GNAQ: variants seen among roughly 807,000 people sequenced by gnomAD.
The protein encoded by GNAQ is guanine nucleotide-binding protein G(q) subunit alpha.
A neutral mutation model predicts 43.9 loss-of-function variants in GNAQ; 8 were observed. That is an observed-to-expected ratio of 0.18 (90% confidence interval 0.11 to 0.33). GNAQ has a LOEUF of 0.33. Ranked by LOEUF, GNAQ falls within the 10% of genes least tolerant of loss-of-function variation. GNAQ has a pLI of 1.00. For missense variants in GNAQ, 158 were observed against 450.8 expected (o/e 0.35, Z 5.88); for synonymous variants, 155 against 170.7 (o/e 0.91, Z 0.71).
At chr9:77,846,797 A>G (rs1254880421) in intron 2 of GNAQ, among the ~76,000 whole-genome samples, 1 of 152,158 alleles carries the variant, frequency 6.6e-6, no homozygotes, top group Non-Finnish European at 1.5e-5. Context: ...TTAGCAAAGC[A>G]CTTCTACATA....
chr9:77,920,426 T>C (rs558748895), intron 2 of GNAQ, among the ~76,000 whole-genome samples: 95 of 152,162 alleles, frequency 6.2e-4, no homozygotes, highest in African/African-American at 2.2e-3. Context: ...AGCACACACA[T>C]GGTAAGTCAG....
intron 1 of GNAQ, among the ~76,000 whole-genome samples, chr9:77,938,290 A>G (rs1189850296): frequency 1.3e-5 from 2 of 152,180 alleles, no homozygotes; most frequent in Non-Finnish European, 2.9e-5. Context: ...TCAACTATAT[A>G]TATTTATATG....
intron 5 of GNAQ, among the ~76,000 whole-genome samples, chr9:77,761,820 C>T (rs1227663430): frequency 1.0e-4 from 7 of 66,868 alleles, no homozygotes; most frequent in Admixed American, 2.7e-4. Flanking sequence ...CCCCTCTGCC[C>T]GGCCAGCCGC....
At chr9:77,724,842 A>T (rs7863658) in intron 6 of GNAQ, among the ~76,000 whole-genome samples, 146 of 152,314 alleles carry the variant, frequency 9.6e-4, no homozygotes, top group African/African-American at 3.3e-3. Context: ...TAAAAAGTAC[A>T]ATTAAAAACA....
intron 1 of GNAQ, among the ~76,000 whole-genome samples, chr9:77,967,158 G>A (rs1455682673): frequency 6.6e-6 from 1 of 152,104 alleles, no homozygotes; most frequent in Non-Finnish European, 1.5e-5. Flanking sequence ...TGCATCTCAG[G>A]AAAAGGGTAT....
At chr9:77,967,710 T>C (rs1823185587) in intron 1 of GNAQ, among the ~76,000 whole-genome samples, 1 of 152,146 alleles carries the variant, frequency 6.6e-6, no homozygotes, top group Admixed American at 6.5e-5. Context: ...CTGGGCGCGG[T>C]GGCTCTCTCC....
At chr9:77,867,908 G>A (rs1207307850) in intron 2 of GNAQ, among the ~76,000 whole-genome samples, 4 of 152,176 alleles carry the variant, frequency 2.6e-5, no homozygotes, top group Non-Finnish European at 5.9e-5. Flanking sequence ...CCCTTTAGAA[G>A]AACTCAAATA....
chr9:77,848,998 A>G (rs1312778307), intron 2 of GNAQ, among the ~76,000 whole-genome samples: 2 of 152,222 alleles, frequency 1.3e-5, no homozygotes, highest in African/African-American at 2.4e-5. Flanking sequence ...TGTAGCAAGA[A>G]GAAAAATGTG....
intron 1 of GNAQ, among the ~76,000 whole-genome samples, chr9:78,016,518 T>C (rs979962171): frequency 6.6e-6 from 1 of 152,068 alleles, no homozygotes; most frequent in African/African-American, 2.4e-5. Context: ...GCCCTGTCTC[T>C]ACTAAAAATA....
At chr9:77,867,576 T>C (rs564544929) in intron 2 of GNAQ, among the ~76,000 whole-genome samples, 9 of 152,174 alleles carry the variant, frequency 5.9e-5, no homozygotes, top group Non-Finnish European at 1.2e-4. Context: ...TGAAACAAAC[T>C]CCAAAGTGTG....
chr9:77,815,524 TACAGG>T (rs752207382), intron 3 of GNAQ, 87 bp downstream of exon 3: 10 of 803,406 alleles, frequency 1.2e-5, no homozygotes, highest in Non-Finnish European at 1.8e-5. Flanking sequence ...ATATGACATA[TACAGG>T]ACAGAATAAA....
chr9:77,895,883 C>T (rs945370043), intron 2 of GNAQ, among the ~76,000 whole-genome samples: 1 of 152,080 alleles, frequency 6.6e-6, no homozygotes, highest in East Asian at 1.9e-4. Context: ...CTGCCATCCA[C>T]GTAAGATATG....
intron 1 of GNAQ, among the ~76,000 whole-genome samples, chr9:77,947,961 G>C (rs967879979): frequency 6.6e-6 from 1 of 152,182 alleles, no homozygotes; most frequent in Non-Finnish European, 1.5e-5. Context: ...ATAAAAAGAA[G>C]AAAATAGGAG....
intron 1 of GNAQ, among the ~76,000 whole-genome samples, chr9:77,987,376 A>G (rs1318816703): frequency 1.3e-5 from 2 of 152,322 alleles, no homozygotes; most frequent in South Asian, 2.1e-4. Context: ...AGAATTACAT[A>G]TAATTCCCAT....
At position 78,017,331 on chromosome 9, in the gene GNAQ, A is replaced by G. The variant is rs79497286; in HGVS notation, c.136+13769T>C. 7.3e-3 allele frequency among the ~76,000 whole-genome samples: 1,114 copies of G among 152,364 alleles called. 29 individuals carry two copies. The East Asian group carries it at 0.11, about 15-fold the overall frequency. On this transcript the variant is annotated intron_variant, in intron 1 of 6. Transcript: ENST00000286548. ...TCGTGAGCAGGTACAAACTAGCTGC[A>G]TCACAGCACTGTATGATTCAAAATG...
chr9:77,944,484 T>C (rs1435499033), intron 1 of GNAQ, among the ~76,000 whole-genome samples: 3 of 152,088 alleles, frequency 2.0e-5, no homozygotes, highest in African/African-American at 7.2e-5. Flanking sequence ...AAACCATTCC[T>C]ATTCCCTCCT....
At chr9:77,764,502 C>T (rs1826101848) in intron 5 of GNAQ, among the ~76,000 whole-genome samples, 1 of 151,568 alleles carries the variant, frequency 6.6e-6, no homozygotes, top group Admixed American at 6.6e-5. Context: ...GTCACCCAGG[C>T]TGGAATGCAG....
chr9:77,925,650 T>C (rs959728626), intron 1 of GNAQ, among the ~76,000 whole-genome samples: 5 of 152,206 alleles, frequency 3.3e-5, no homozygotes, highest in East Asian at 1.9e-4. Flanking sequence ...TATACAAATG[T>C]TGTGAATTCA....
intron 3 of GNAQ, among the ~76,000 whole-genome samples, chr9:77,812,268 C>T (rs1444252106): frequency 2.0e-5 from 3 of 152,152 alleles, no homozygotes; most frequent in African/African-American, 7.2e-5. Flanking sequence ...TGCTCAATGA[C>T]AAACTAACAC....
Sources: allele counts gnomAD v4.1 joint callset (sites outside exome capture counted in the v4.1 genomes callset), GRCh38; gene constraint gnomAD v4.1.1; transcripts MANE v1.5; gene names NCBI Gene and HGNC (gene_info 2026-07-23, HGNC 2026-07-21).